Variants in HPGDS observed in about 807,000 individuals in gnomAD.
HPGDS encodes GST class-sigma.
Under a neutral mutation model 23.1 loss-of-function variants are expected in HPGDS, and 26 were observed. The observed-to-expected ratio is 1.13, with a 90% confidence interval of 0.83 to 1.56. The LOEUF (loss-of-function observed/expected upper bound fraction) is 1.56. HPGDS is among the 40% of genes most tolerant of loss of function. The pLI is 0.00. For missense variants in HPGDS, 268 were observed against 236.4 expected, an observed-to-expected ratio of 1.13 and a Z score of -0.88; for synonymous variants, 95 against 77.9, an observed-to-expected ratio of 1.22 and a Z score of -1.16.
intron 3 of HPGDS, among the ~76,000 whole-genome samples, chr4:94,311,443 T>C (rs1756270396): frequency 6.6e-6 from 1 of 151,378 alleles, no homozygotes; most frequent in Non-Finnish European, 1.5e-5. Context: ...ATTACGTTTA[T>C]TGATTTGCAT....
At chr4:94,317,047 A>G (rs1457807855) in intron 3 of HPGDS, among the ~76,000 whole-genome samples, 2 of 152,232 alleles carry the variant, frequency 1.3e-5, no homozygotes, top group Admixed American at 6.5e-5. Context: ...TATTTTTAAA[A>G]TACACTATTT....
intron 4 of HPGDS, among the ~76,000 whole-genome samples, chr4:94,306,553 A>G (rs1259067350): frequency 6.6e-6 from 1 of 152,110 alleles, no homozygotes; most frequent in South Asian, 2.1e-4. Context: ...GGATATGTCT[A>G]GAACTGGGGT....
chr4:94,331,310 T>C (rs1270995076), intron 2 of HPGDS, among the ~76,000 whole-genome samples: 1 of 152,236 alleles, frequency 6.6e-6, no homozygotes, highest in Non-Finnish European at 1.5e-5. Flanking sequence ...CTTATTTCTC[T>C]GAGGATTTTA....
intron 2 of HPGDS, among the ~76,000 whole-genome samples, chr4:94,320,701 A>G (rs879585205): frequency 1.3e-5 from 2 of 152,174 alleles, no homozygotes; most frequent in African/African-American, 2.4e-5. Context: ...TTTTTCTCCC[A>G]TTCTGCAGGT....
At chr4:94,320,268 T>C (rs1756476153) in intron 2 of HPGDS, among the ~76,000 whole-genome samples, 1 of 152,230 alleles carries the variant, frequency 6.6e-6, no homozygotes, top group African/African-American at 2.4e-5. Context: ...ATCCTTTGGG[T>C]ATATGCCCAG....
intron 3 of HPGDS, among the ~76,000 whole-genome samples, chr4:94,313,419 A>T (rs1232670638): frequency 6.6e-6 from 1 of 152,160 alleles, no homozygotes; most frequent in Non-Finnish European, 1.5e-5. Flanking sequence ...CTGGATATGA[A>T]ATTCTGGGTT....
In HPGDS at chr4:94,334,625, G is replaced by C. The variant is rs183973573; in HGVS notation, c.5C>G (p.Pro2Arg). 1.2e-6 allele frequency: 2 copies of C among 1,612,212 alleles called. No homozygotes were observed. Among genetic ancestry groups the C allele is most frequent in the Admixed American group, 3.3e-5 (2 of 59,704 alleles). The change falls in exon 2 of 6, where the codon CCA (proline) becomes CGA (arginine). Residue 2 changes from proline to arginine, a missense_variant. By Grantham distance (103) the Pro-to-Arg change is moderately radical (BLOSUM62 -2). Transcript: ENST00000295256. ...ATTAAAATAAGTGAGTTTGTAGTTTGGCATGGTGCAATTCTGGAAAAAGAA... is the reference window on the plus strand; with the variant it reads ...ATTAAAATAAGTGAGTTTGTAGTTTCGCATGGTGCAATTCTGGAAAAAGAA... M[P>R]NYKLTYFNMR...
At chr4:94,309,484 A>G (rs1464103086) in intron 3 of HPGDS, among the ~76,000 whole-genome samples, 2 of 152,082 alleles carry the variant, frequency 1.3e-5, no homozygotes, top group Non-Finnish European at 2.9e-5. Context: ...GCTGCATAGT[A>G]TTCCATGGTG....
intron 1 of HPGDS, among the ~76,000 whole-genome samples, chr4:94,340,990 C>T (rs11944008): frequency 1.3e-5 from 2 of 151,782 alleles, no homozygotes; most frequent in Non-Finnish European, 2.9e-5. Context: ...GGATTACAGA[C>T]GCCCACCACC....
chr4:94,322,195 T>A (rs902471223), intron 2 of HPGDS, among the ~76,000 whole-genome samples: 4 of 149,700 alleles, frequency 2.7e-5, no homozygotes, highest in Non-Finnish European at 4.4e-5. Context: ...TTCCCATCGA[T>A]GTTCATCAGG....
chr4:94,321,673 T>C lies in HPGDS; in HGVS notation c.134-3708A>G, dbSNP rs539148602. ...TTAAGGAGATTTTGGGCTGAGATGA[T>C]GGGGTTTTCTAAATATACAATCATG... On this transcript the variant is annotated intron_variant, in intron 2 of 5. Coordinates refer to ENST00000295256, the MANE Select transcript of HPGDS (RefSeq NM_014485.3). 5.5e-3 allele frequency among the ~76,000 whole-genome samples: 842 copies of C among 152,314 alleles called. 4 individuals carry two copies. The highest frequency in any genetic ancestry group is 0.019 in the African/African-American group (786 of 41,568).
chr4:94,339,553 T>C (rs757110054), intron 1 of HPGDS, among the ~76,000 whole-genome samples: 24 of 152,314 alleles, frequency 1.6e-4, no homozygotes, highest in Admixed American at 5.2e-4. Context: ...ACATATAAAC[T>C]CATATGAACA....
At chr4:94,328,667 T>C (rs1018219098) in intron 2 of HPGDS, among the ~76,000 whole-genome samples, 10 of 152,250 alleles carry the variant, frequency 6.6e-5, no homozygotes, top group African/African-American at 2.4e-4. Flanking sequence ...TTTCAAGTTT[T>C]GTAAATCACT....
chr4:94,323,478 A>G (rs1464278623), intron 2 of HPGDS, among the ~76,000 whole-genome samples: 2 of 152,200 alleles, frequency 1.3e-5, no homozygotes, highest in East Asian at 3.8e-4. Flanking sequence ...TAGGATAGTT[A>G]GCTCTTCTTG....
At chr4:94,328,526 AT>A (rs1308548705) in intron 2 of HPGDS, among the ~76,000 whole-genome samples, 1 of 152,252 alleles carries the variant, frequency 6.6e-6, no homozygotes, top group Non-Finnish European at 1.5e-5. Flanking sequence ...AGTAATATAC[AT>A]TTATTATAGA....
intron 2 of HPGDS, chr4:94,334,142 C>T (rs1237918072): frequency 6.0e-6 from 1 of 165,522 alleles, no homozygotes; most frequent in Non-Finnish European, 1.3e-5. Flanking sequence ...AAACTCAGTT[C>T]TACTTGCTAG....
At chr4:94,310,347 A>G (rs1293229447) in intron 3 of HPGDS, among the ~76,000 whole-genome samples, 2 of 152,126 alleles carry the variant, frequency 1.3e-5, no homozygotes, top group Non-Finnish European at 2.9e-5. Flanking sequence ...CTTTCTCCAT[A>G]TGGCTAGCCA....
At chr4:94,334,749 A>C (rs988671416) in intron 1 of HPGDS, 111 bp from the exon 2 acceptor site, 4 of 890,658 alleles carry the variant, frequency 4.5e-6, no homozygotes, top group Non-Finnish European at 6.5e-6. Flanking sequence ...ATTACTGGAG[A>C]CATTAGAGGA....
chr4:94,339,361 A>G (rs916733674), intron 1 of HPGDS, among the ~76,000 whole-genome samples: 2 of 152,326 alleles, frequency 1.3e-5, no homozygotes, highest in African/African-American at 2.4e-5. Flanking sequence ...AGATATTTAC[A>G]TCTAAAGATC....
Sources: gnomAD v4.1 joint callset for allele counts (sites outside exome capture counted in the v4.1 genomes callset) on GRCh38, gnomAD v4.1.1 for gene constraint, MANE v1.5 for transcripts, NCBI Gene and HGNC (gene_info 2026-07-23, HGNC 2026-07-21) for gene names.